The following HDAC4 variants were observed in gnomAD, a reference collection of about 807,000 sequenced individuals.
HDAC4 encodes histone deacetylase A.
HDAC4 carries 16 observed loss-of-function variants against 135.1 expected under a neutral mutation model. That is an observed-to-expected ratio of 0.12 (90% confidence interval 0.08 to 0.18). The LOEUF is 0.18. Ranked by LOEUF, HDAC4 falls within the 10% of genes least tolerant of loss-of-function variation. The pLI, the probability that HDAC4 is intolerant of heterozygous loss-of-function variation, is 1.00. For missense variants in HDAC4, 1,143 were observed against 1,511.8 expected (o/e 0.76, Z 4.05); for synonymous variants, 685 against 653.4 (o/e 1.05, Z -0.74).
rs2030783378 is a variant in HDAC4, at chr2:239,051,156, C to T, written c.*1941G>A. On this transcript the variant is annotated 3_prime_UTR_variant, in exon 27 of 27. Transcript: ENST00000543185. ...CAGGGTGGCCGGGCATCCTAAGCAA[C>T]CCTCCCTGCCCTTGCCACGGAGGGG... The T allele has an allele frequency of 6.6e-6, 1 of 152,580 alleles. No homozygotes were observed. Among genetic ancestry groups the T allele is most frequent in the Non-Finnish European group, 1.5e-5 (1 of 68,032 alleles). 9.5% of individuals were successfully genotyped at this position (152,580 alleles called of 1,614,324 possible). A position where few individuals can be genotyped will look rare whatever the true frequency, so the allele number is the denominator to read the frequency against.
At chr2:239,127,643 G>A (rs1479942947) in intron 11 of HDAC4, among the ~76,000 whole-genome samples, 1 of 152,212 alleles carries the variant, frequency 6.6e-6, no homozygotes, top group Non-Finnish European at 1.5e-5. Context: ...GCATCTGACC[G>A]GGTGAAATGA....
intron 2 of HDAC4, among the ~76,000 whole-genome samples, chr2:239,315,761 C>T (rs1032001706): frequency 3.3e-5 from 5 of 152,050 alleles, no homozygotes; most frequent in African/African-American, 9.7e-5. Context: ...AAACTCCAAA[C>T]GAATTGGGGA....
chr2:239,346,343 TA>T (rs1692665429), intron 2 of HDAC4, among the ~76,000 whole-genome samples: 1 of 141,850 alleles, frequency 7.0e-6, no homozygotes, highest in African/African-American at 2.7e-5. Context: ...CACACCCGTC[TA>T]AAACACACAT....
chr2:239,294,250 G>A (rs1289750018), intron 2 of HDAC4, among the ~76,000 whole-genome samples: 1 of 151,474 alleles, frequency 6.6e-6, no homozygotes, highest in Non-Finnish European at 1.5e-5. Flanking sequence ...GGCAGGGGCA[G>A]CCCCTTCTGA....
At chr2:239,266,562 A>T (rs1327083261) in intron 2 of HDAC4, among the ~76,000 whole-genome samples, 1 of 152,184 alleles carries the variant, frequency 6.6e-6, no homozygotes, top group East Asian at 1.9e-4. Context: ...CGATTTCATG[A>T]CACACACCTT....
At chr2:239,282,751 CACAATGTACACACCACTCT>C (rs1453581918) in intron 2 of HDAC4, among the ~76,000 whole-genome samples, 2 of 147,418 alleles carry the variant, frequency 1.4e-5, no homozygotes, top group Non-Finnish European at 3.0e-5. Context: ...GCACTCTACA[CACAATGTACACACCACTCT>C]ACAATGTACA....
rs2052572278 is a variant in HDAC4, at chr2:239,306,205, T to G, written c.22+46473A>C. Among the ~76,000 whole-genome samples, 1 of 152,206 alleles carries G rather than the reference T, an allele frequency of 6.6e-6. No homozygotes were observed. Among genetic ancestry groups the G allele is most frequent in the Admixed American group, 6.5e-5 (1 of 15,284 alleles). On this transcript the variant is annotated intron_variant, in intron 2 of 26. Transcript: ENST00000543185. The surrounding 1 kb of genome is among the most constrained non-coding windows in gnomAD (Gnocchi z 4.5). ...GGGAAGTCATTTTCCTGAATAGATC[T>G]GACTTCCACTTATTTTCCTATCATT...
At chr2:239,323,847 C>T (rs777793469) in intron 2 of HDAC4, among the ~76,000 whole-genome samples, 2 of 152,138 alleles carry the variant, frequency 1.3e-5, no homozygotes, top group Non-Finnish European at 2.9e-5. Flanking sequence ...AGAAGCGCCA[C>T]AAAAACATTC....
At chr2:239,069,430 CCCA>C (rs1394833007) in intron 22 of HDAC4, among the ~76,000 whole-genome samples, 1 of 107,072 alleles carries the variant, frequency 9.3e-6, no homozygotes, top group Non-Finnish European at 2.0e-5. Flanking sequence ...GCCAGCAAGC[CCCA>C]CGACACTTGC....
At chr2:239,398,945 C>G (rs1400435523) in intron 1 of HDAC4, among the ~76,000 whole-genome samples, 4 of 152,246 alleles carry the variant, frequency 2.6e-5, no homozygotes, top group Non-Finnish European at 5.9e-5. Flanking sequence ...TAATTGATTA[C>G]TGCTCTCTTT....
rs758024744 is a variant in HDAC4 at position 239,126,624 on chromosome 2, G to A, written c.1365C>T (p.Ser455=). ...AQSLVGADRV[S]PSIHKLRQHR... ...GCTGCCGCAGCTTGTGGATGGAGGG[G>A]GACACCCGGTCTGCACCAACCAAGG... Residue 455 remains serine (S), a synonymous_variant, in exon 12 of 27, where the codon TCC becomes TCT. Coordinates refer to ENST00000543185, the MANE Select transcript of HDAC4 (RefSeq NM_001378414.1). The A allele has an allele frequency of 1.2e-6, 2 of 1,613,988 alleles. No homozygotes were observed. Among genetic ancestry groups the A allele is most frequent in the East Asian group, 2.2e-5 (1 of 44,874 alleles).
chr2:239,152,892 G>A (rs908604062), intron 7 of HDAC4, among the ~76,000 whole-genome samples: 3 of 152,208 alleles, frequency 2.0e-5, no homozygotes, highest in Non-Finnish European at 2.9e-5. Context: ...GGTCCTACTC[G>A]AAGGACTTTG....
At chr2:239,197,389 C>T (rs1297081301) in intron 3 of HDAC4, among the ~76,000 whole-genome samples, 1 of 152,204 alleles carries the variant, frequency 6.6e-6, no homozygotes, top group Non-Finnish European at 1.5e-5. Context: ...CCCAGCGTTC[C>T]GAAATTTCGA....
At chr2:239,208,166 C>CAAA (rs56710767) in intron 3 of HDAC4, among the ~76,000 whole-genome samples, 1 of 140,862 alleles carries the variant, frequency 7.1e-6, no homozygotes, top group African/African-American at 2.6e-5. Flanking sequence ...ACTAAAAATA[C>CAAA]AAAAAAAAAA....
chr2:239,282,235 C>G (rs536683539), intron 2 of HDAC4, among the ~76,000 whole-genome samples: 7 of 126,190 alleles, frequency 5.5e-5, no homozygotes, highest in Admixed American at 4.5e-4. Context: ...ATGTACACAC[C>G]ACTCTACAAT....
intron 14 of HDAC4, among the ~76,000 whole-genome samples, chr2:239,109,172 C>A (rs1000861656): frequency 6.6e-6 from 1 of 152,248 alleles, no homozygotes; most frequent in South Asian, 2.1e-4. Context: ...GTGCTGCACA[C>A]ACCTGGTCTT....
intron 3 of HDAC4, among the ~76,000 whole-genome samples, chr2:239,204,562 C>T (rs977856937): frequency 2.0e-5 from 3 of 152,208 alleles, no homozygotes; most frequent in African/African-American, 7.2e-5. Flanking sequence ...ATCTGCACTG[C>T]CAGCCCCTAC....
intron 2 of HDAC4, among the ~76,000 whole-genome samples, chr2:239,271,091 G>A (rs1318539551): frequency 1.3e-5 from 2 of 152,140 alleles, no homozygotes; most frequent in East Asian, 1.9e-4. Flanking sequence ...TTTAAAACCA[G>A]TAAAAAGGTT....
chr2:239,078,371 C>G (rs1444849384), intron 22 of HDAC4, among the ~76,000 whole-genome samples: 1 of 151,846 alleles, frequency 6.6e-6, no homozygotes, highest in Non-Finnish European at 1.5e-5. Flanking sequence ...GTCTGAATAA[C>G]AAGGTGCTGC....
Sources: gnomAD v4.1 joint callset for allele counts (sites outside exome capture counted in the v4.1 genomes callset) on GRCh38, gnomAD v4.1.1 for gene constraint, Gnocchi (gnomAD v3.1) non-coding constraint, MANE v1.5 for transcripts, NCBI Gene and HGNC (gene_info 2026-07-23, HGNC 2026-07-21) for gene names.